Variants in NELFA observed in about 807,000 individuals in gnomAD.
NELFA encodes negative elongation factor complex member A, also known as negative elongation factor A.
A neutral mutation model predicts 51.8 loss-of-function variants in NELFA; 35 were observed. That is an observed-to-expected ratio of 0.68 (90% CI 0.52 to 0.90). The LOEUF (loss-of-function observed/expected upper bound fraction) is 0.90. NELFA is among the 40% of genes least tolerant of loss of function. NELFA has a pLI of 0.00. For missense variants in NELFA, 658 were observed against 746.4 expected, an observed-to-expected ratio of 0.88 and a Z score of 1.38; for synonymous variants, 417 against 338.4, an observed-to-expected ratio of 1.23 and a Z score of -2.55.
rs916410813 is a variant in NELFA at position 1,986,144 on chromosome 4, G to A, written c.805C>T (p.Arg269Ter). ...ISELDMVGAG[R>*]EAKRRRKTLD... ...GTCTTCCTTCTCCGCTTCGCCTCTCGGCCAGCGCCAACCATATCCAGCTCA... is the reference window on the plus strand; with the variant it reads ...GTCTTCCTTCTCCGCTTCGCCTCTCAGCCAGCGCCAACCATATCCAGCTCA... Residue 269 changes from arginine (R) to a stop codon, truncating the protein, a stop_gained, in exon 6 of 11, where the codon CGA becomes TGA. Coordinates refer to ENST00000382882, the MANE Select transcript of NELFA (RefSeq NM_005663.5). LOFTEE classifies it high-confidence loss of function. 5.1e-6 allele frequency: 8 copies of A among 1,554,506 alleles called. No homozygotes were observed. The highest frequency in any genetic ancestry group is 6.1e-6 in the Non-Finnish European group (7 of 1,148,908).
rs1056694979 is a variant in NELFA, at chr4:1,983,128, T to C, written c.*191A>G. The C allele has an allele frequency of 2.0e-6, 1 of 501,798 alleles. No homozygotes were observed. The highest frequency in any genetic ancestry group is 3.5e-6 in the Non-Finnish European group (1 of 289,718). 31.1% of individuals were successfully genotyped at this position (501,798 alleles called of 1,614,324 possible). A position where few individuals can be genotyped will look rare whatever the true frequency, so the allele number is the denominator to read the frequency against. On this transcript the variant is annotated 3_prime_UTR_variant, in exon 11 of 11. Transcript: ENST00000382882. ...TAAATCACACAAAAAAGAACCCATA[T>C]TAAAATTTTAAAAATAAGCCCCAAA... is the stretch of plus-strand genomic sequence containing the variant.
At chr4:1,985,693 G>A (rs1032588054) in intron 7 of NELFA, 83 bp downstream of exon 7, 37 of 1,041,916 alleles carry the variant, frequency 3.6e-5, no homozygotes, top group Non-Finnish European at 4.7e-5. Context: ...TATATTCTCC[G>A]ACAGAGCACA....
chr4:1,985,259 G>A (rs540463468), intron 7 of NELFA, among the ~76,000 whole-genome samples: 5 of 152,212 alleles, frequency 3.3e-5, no homozygotes, highest in Admixed American at 6.5e-5. Flanking sequence ...AACACGCAGC[G>A]GCGGGAAGAA....
chr4:1,984,954 G>A, intron 7 of NELFA, 35 bp from the exon 8 acceptor site: 1 of 1,473,994 alleles, frequency 6.8e-7, no homozygotes, highest in Non-Finnish European at 9.3e-7. Flanking sequence ...TTCCAGAAGA[G>A]GCCATGCTTC....
chr4:1,995,453 G>A (rs2109062565), intron 1 of NELFA, among the ~76,000 whole-genome samples: 1 of 152,232 alleles, frequency 6.6e-6, no homozygotes. Context: ...ATAAATGAAG[G>A]AAGAAAACTA....
intron 1 of NELFA, chr4:2,007,083 C>T (rs757486218): frequency 7.0e-5 from 26 of 369,224 alleles, no homozygotes; most frequent in Non-Finnish European, 1.3e-4. Flanking sequence ...CATGGTGAAA[C>T]CCTGTAGTCC....
chr4:2,008,599 A>AG lies in NELFA; in HGVS notation c.210+150dup, dbSNP rs1728776855. On this transcript the variant is annotated intron_variant, in intron 1 of 10. Coordinates refer to ENST00000382882, the MANE Select transcript of NELFA (RefSeq NM_005663.5). ...GAGGGAGGTATTCGGAGGAGCGAGG[A>AG]GGGGGCGTGAGGGCGGGCCGGGGGG... 26 of 659,832 alleles carry AG rather than the reference A, an allele frequency of 3.9e-5. No homozygotes were observed. In the East Asian group the frequency reaches 7.9e-4, roughly 20 times the overall value. The allele number at this position is 659,832 out of a possible 1,614,324, so 40.9% of individuals were successfully genotyped here.
intron 10 of NELFA, 23 bp downstream of exon 10, chr4:1,983,573 C>T: frequency 6.2e-7 from 1 of 1,613,474 alleles, no homozygotes; most frequent in Non-Finnish European, 8.5e-7. Context: ...GGTGCACCCC[C>T]AGGCCCTGCC....
intron 1 of NELFA, among the ~76,000 whole-genome samples, chr4:1,995,391 T>C (rs1728394746): frequency 1.3e-5 from 2 of 152,188 alleles, no homozygotes; most frequent in Admixed American, 1.3e-4. Flanking sequence ...TATGGTCCTA[T>C]GTAGAAAAGT....
In NELFA at chr4:1,986,306, G is replaced by C; in HGVS notation, c.731C>G (p.Ser244Cys). The change falls in exon 5 of 11, where the codon TCC (serine) becomes TGC (cysteine). Residue 244 changes from serine (S) to cysteine (C), a missense_variant. Ser to Cys is a moderately radical substitution (Grantham distance 112, BLOSUM62 -1). This residue lies in a region of NELFA where 371 missense variants were observed against 448.3 expected (regional missense o/e 0.83). Transcript: ENST00000382882. ...TCGTTCCTTCCGCAGCAGCGTCCTG[G>C]AAGGCGGGATGGGGGTCCGGTTCCC... Reference protein sequence around the residue: ...PTGNRTPIPPSRTLLRKERGV... With the variant: ...PTGNRTPIPPCRTLLRKERGV... 1 of 1,591,440 alleles carries C rather than the reference G, an allele frequency of 6.3e-7. No homozygotes were observed. The highest frequency in any genetic ancestry group is 8.6e-7 in the Non-Finnish European group (1 of 1,168,986).
At chr4:1,984,768 G>A in intron 8 of NELFA, 40 bp downstream of exon 8, 1 of 1,459,576 alleles carries the variant, frequency 6.9e-7, no homozygotes, top group Non-Finnish European at 9.4e-7. Flanking sequence ...TGTCCTGGCA[G>A]GCAGCTTGGC....
At chr4:1,990,185 G>C (rs1728231162) in intron 2 of NELFA, 2 of 429,536 alleles carry the variant, frequency 4.7e-6, no homozygotes, top group Non-Finnish European at 4.4e-6. Flanking sequence ...GACACTTGTA[G>C]AACATGAAAT....
At chr4:2,006,632 G>A (rs1334383643) in intron 1 of NELFA, among the ~76,000 whole-genome samples, 4 of 151,938 alleles carry the variant, frequency 2.6e-5, no homozygotes, top group Admixed American at 6.6e-5. Context: ...TTAGCCAGGC[G>A]TGGTGGCAGC....
chr4:2,005,913 G>A (rs1487725443), intron 1 of NELFA, among the ~76,000 whole-genome samples: 1 of 152,122 alleles, frequency 6.6e-6, no homozygotes, highest in African/African-American at 2.4e-5. Flanking sequence ...ATATAAAGAG[G>A]ACAGCACCCC....
intron 7 of NELFA, 117 bp from the exon 8 acceptor site, chr4:1,985,036 G>A: frequency 1.4e-6 from 1 of 714,594 alleles, no homozygotes; most frequent in Non-Finnish European, 2.3e-6. Context: ...GCTAGAGCAG[G>A]AAGGCGGGGG....
chr4:1,986,097 C>G lies in NELFA; in HGVS notation c.835+17G>C, dbSNP rs541375712. ...AGGGACCCCCATTGCCGCCGACACG[C>G]AGGCCCCAACCCCCACCGAGAGTCT... On this transcript the variant is annotated intron_variant, in intron 6 of 10. Transcript: ENST00000382882. 20 of 1,549,580 alleles carry G rather than the reference C, an allele frequency of 1.3e-5. No individual in the cohort carries two copies. In the African/African-American group the frequency reaches 2.7e-4, roughly 21 times the overall value.
chr4:1,985,723 C>A, intron 7 of NELFA, 53 bp downstream of exon 7: 2 of 1,483,550 alleles, frequency 1.3e-6, no homozygotes, highest in Non-Finnish European at 1.9e-6. Context: ...ACAATCGGAA[C>A]AAAAGGGGCA....
Position 1,991,655 on chromosome 4 carries a change from G to T in NELFA, c.271C>A (p.Leu91Ile). 1 of 1,613,810 alleles carries T rather than the reference G, an allele frequency of 6.2e-7. No individual in the cohort carries two copies. The highest frequency in any genetic ancestry group is 1.1e-5 in the South Asian group (1 of 91,006). Residue 91 changes from leucine (L) to isoleucine (I), a missense_variant, in exon 2 of 11, where the codon CTC becomes ATC. By Grantham distance (5) the Leu-to-Ile change is conservative (BLOSUM62 2). This residue lies in a region of NELFA where 371 missense variants were observed against 448.3 expected (regional missense o/e 0.83). Transcript: ENST00000382882. The stretch of plus-strand genomic sequence containing the variant: ...GACTTCAAGATGTCGGCGACCATGA[G>T]CACCCAGGGGTCCGAGTCGAGGCTG... ...LASLDSDPWVLMVADILKSFP... is the reference protein window; with the variant it reads ...LASLDSDPWVIMVADILKSFP...
rs758556710 is a variant in NELFA, at chr4:1,983,277, G to A, written c.*42C>T. 2.2e-5 allele frequency: 34 copies of A among 1,580,322 alleles called. No individual in the cohort carries two copies. Among genetic ancestry groups the A allele is most frequent in the Admixed American group, 5.1e-5 (3 of 58,320 alleles). ...TTTAAGCTGGCAAAGCCATCGTCCC[G>A]TGGACCCCCACAAGTGACGGCCAGC... On this transcript the variant is annotated 3_prime_UTR_variant, in exon 11 of 11. Transcript: ENST00000382882.
Sources: gnomAD v4.1 joint callset for allele counts (sites outside exome capture counted in the v4.1 genomes callset) on GRCh38, gnomAD v4.1.1 for gene constraint, gnomAD v4.1.1 regional missense constraint, MANE v1.5 for transcripts, NCBI Gene and HGNC (gene_info 2026-07-23, HGNC 2026-07-21) for gene names.